The following TJP2 variants were observed in gnomAD, a reference collection of about 807,000 sequenced individuals.
TJP2 encodes tight junction protein 2.
A neutral mutation model predicts 133.1 loss-of-function variants in TJP2; 91 were observed. The ratio of observed to expected loss-of-function variants is 0.68; its 90% confidence interval spans 0.58 to 0.81. The LOEUF (loss-of-function observed/expected upper bound fraction) is 0.81, where lower values mean the gene tolerates loss of function less well. Ranked by LOEUF, TJP2 falls within the 40% of genes least tolerant of loss-of-function variation. The probability of loss-of-function intolerance (pLI) is 0.00; values close to 1 mark genes in which losing one functional copy is unlikely to be tolerated. For synonymous variants in TJP2, 592 were observed against 583.4 expected (o/e 1.01, Z -0.21); for missense variants, 1,541 against 1,565.6 (o/e 0.98, Z 0.26).
At chr9:69,174,256 C>T (rs1003196972), upstream of TJP2, 19 of 1,524,214 alleles carry the variant, frequency 1.2e-5, no homozygotes, top group South Asian at 3.7e-5. Context: ...GGTCGGCACC[C>T]CGGCGGTTGG....
intron 2 of TJP2, among the ~76,000 whole-genome samples, chr9:69,158,643 A>C (rs984273499): frequency 2.6e-5 from 4 of 152,104 alleles, no homozygotes; most frequent in African/African-American, 9.7e-5. Context: ...GCTGGAGTGC[A>C]GTGGCATGGT....
At chr9:69,190,618 T>C (rs1826142777) in intron 1 of TJP2, among the ~76,000 whole-genome samples, 1 of 152,192 alleles carries the variant, frequency 6.6e-6, no homozygotes, top group African/African-American at 2.4e-5. Flanking sequence ...ACCTAAAGTT[T>C]GTTGAGGATA....
chr9:69,205,212 G>A (rs1393514031), intron 1 of TJP2: 8 of 1,537,144 alleles, frequency 5.2e-6, no homozygotes, highest in Non-Finnish European at 8.7e-7. Context: ...CTGTTAAAAA[G>A]TTGAGGAGAT....
In TJP2 at chr9:69,239,783, C is replaced by T. The variant is rs148063849; in HGVS notation, c.2356-154C>T. On this transcript the variant is annotated intron_variant, in intron 16 of 22. Coordinates refer to ENST00000377245, the MANE Select transcript of TJP2 (RefSeq NM_004817.4). ...GAGCCAAGTTTGTGCCACTGCACTC[C>T]AGCCTGGGCAACAGAGCAAGAATCT... Among the ~76,000 whole-genome samples the T allele has an allele frequency of 9.8e-3, 1,491 of 152,148 alleles. 7 individuals carry two copies. The highest frequency in any genetic ancestry group is 0.014 in the Non-Finnish European group (979 of 68,032).
At chr9:69,140,880 G>A (rs555663968) in intron 1 of TJP2, among the ~76,000 whole-genome samples, 3 of 152,110 alleles carry the variant, frequency 2.0e-5, no homozygotes, top group African/African-American at 4.8e-5. Flanking sequence ...ACGGAGTCTC[G>A]CTGTCGCCCA....
intron 18 of TJP2, among the ~76,000 whole-genome samples, chr9:69,247,681 G>A (rs976558550): frequency 6.6e-6 from 1 of 152,122 alleles, no homozygotes; most frequent in Non-Finnish European, 1.5e-5. Context: ...ATATTACTAG[G>A]AGAGTGGTAC....
intron 4 of TJP2, among the ~76,000 whole-genome samples, chr9:69,219,521 A>G (rs1051344317): frequency 6.6e-6 from 1 of 152,150 alleles, no homozygotes; most frequent in Non-Finnish European, 1.5e-5. Flanking sequence ...CATCTATATA[A>G]TACTATTATC....
chr9:69,182,788 C>CTTTTTTT (rs35602682), intron 1 of TJP2, among the ~76,000 whole-genome samples: 1 of 129,422 alleles, frequency 7.7e-6, no homozygotes, highest in Non-Finnish European at 1.6e-5. Context: ...TGATGAATTT[C>CTTTTTTT]TTTTTTTTTT....
intron 1 of TJP2, among the ~76,000 whole-genome samples, chr9:69,151,233 G>T (rs975617220): frequency 6.6e-6 from 1 of 152,198 alleles, no homozygotes; most frequent in African/African-American, 2.4e-5. Flanking sequence ...TGTAATCCCA[G>T]CACTTTGGGA....
At chr9:69,131,136 C>T (rs1422123518) in intron 1 of TJP2, among the ~76,000 whole-genome samples, 4 of 152,178 alleles carry the variant, frequency 2.6e-5, no homozygotes, top group Non-Finnish European at 5.9e-5. Flanking sequence ...TGATAATTAA[C>T]GTAAAACCAG....
chr9:69,253,624 T>A (rs906980582), intron 22 of TJP2: 1 of 169,456 alleles, frequency 5.9e-6, no homozygotes. Flanking sequence ...AGCTAGTTTT[T>A]GTATTTTTAA....
intron 2 of TJP2, among the ~76,000 whole-genome samples, chr9:69,152,377 A>G (rs931634413): frequency 1.3e-5 from 2 of 152,172 alleles, no homozygotes; most frequent in African/African-American, 2.4e-5. Flanking sequence ...ACCTCTGTTT[A>G]TAGGCCAGGC....
intron 2 of TJP2, among the ~76,000 whole-genome samples, chr9:69,155,025 C>T (rs1378946238): frequency 2.0e-5 from 3 of 151,726 alleles, no homozygotes; most frequent in Non-Finnish European, 2.9e-5. Flanking sequence ...CCAGACCAGC[C>T]TGGCCAACAT....
At chr9:69,240,514 C>T (rs141703745) in intron 17 of TJP2, among the ~76,000 whole-genome samples, 20 of 152,258 alleles carry the variant, frequency 1.3e-4, no homozygotes, top group Admixed American at 1.2e-3. Flanking sequence ...ACTTACAAAG[C>T]GAAAGGAACT....
At chr9:69,202,963 T>G (rs1167744995) in intron 1 of TJP2, among the ~76,000 whole-genome samples, 1 of 152,248 alleles carries the variant, frequency 6.6e-6, no homozygotes. Context: ...TGCTAGAAAC[T>G]ATGACCTCTG....
chr9:69,251,443 T>C (rs1411625411), intron 21 of TJP2, 79 bp downstream of exon 21: 13 of 1,437,650 alleles, frequency 9.0e-6, no homozygotes, highest in Non-Finnish European at 1.2e-5. Context: ...ACAGCCCCTT[T>C]GCTGCTGCTG....
chr9:69,159,749 G>T (rs1338097006), intron 2 of TJP2, among the ~76,000 whole-genome samples: 1 of 151,682 alleles, frequency 6.6e-6, no homozygotes, highest in African/African-American at 2.4e-5. Flanking sequence ...GGTGGAACGC[G>T]CCTGTAGTCC....
At chr9:69,152,259 G>A (rs931561369) in intron 2 of TJP2, among the ~76,000 whole-genome samples, 30 of 152,160 alleles carry the variant, frequency 2.0e-4, no homozygotes, top group African/African-American at 6.3e-4. Flanking sequence ...AGAGCTAGGA[G>A]CGAGTATTAT....
intron 1 of TJP2, among the ~76,000 whole-genome samples, chr9:69,149,286 A>G (rs569781932): frequency 6.6e-6 from 1 of 152,344 alleles, no homozygotes; most frequent in Non-Finnish European, 1.5e-5. Context: ...CTCTCCTTGG[A>G]GCTGATACCT....
Sources: gnomAD v4.1 joint callset for allele counts (sites outside exome capture counted in the v4.1 genomes callset) on GRCh38, gnomAD v4.1.1 for gene constraint, MANE v1.5 for transcripts, NCBI Gene and HGNC (gene_info 2026-07-23, HGNC 2026-07-21) for gene names.